OBI1: variants seen among roughly 807,000 people sequenced by gnomAD.
OBI1 encodes the protein ring finger protein 219.
A neutral mutation model predicts 62.4 loss-of-function variants in OBI1; 59 were observed. The observed-to-expected ratio is 0.95, with a 90% CI of 0.77 to 1.17. The LOEUF is 1.17. OBI1 is among the 50% of genes most tolerant of loss of function. OBI1 has a pLI of 0.00. For synonymous variants in OBI1, 302 were observed against 292.8 expected, an observed-to-expected ratio of 1.03 and a Z score of -0.32; for missense variants, 875 against 830.9, an observed-to-expected ratio of 1.05 and a Z score of -0.65.
At chr13:78,632,910 A>G (rs1321306913) in intron 5 of OBI1, among the ~76,000 whole-genome samples, 1 of 152,200 alleles carries the variant, frequency 6.6e-6, no homozygotes, top group East Asian at 1.9e-4. Flanking sequence ...TCCTAAAGTT[A>G]TATTGGATTC....
intron 5 of OBI1, among the ~76,000 whole-genome samples, chr13:78,631,977 G>A (rs189454203): frequency 2.0e-5 from 3 of 152,056 alleles, no homozygotes; most frequent in Admixed American, 6.5e-5. Flanking sequence ...TCCTTTGTTC[G>A]TACCAGATTT....
At chr13:78,631,185 A>T (rs1038596321) in intron 5 of OBI1, among the ~76,000 whole-genome samples, 4 of 152,130 alleles carry the variant, frequency 2.6e-5, no homozygotes, top group African/African-American at 9.7e-5. Context: ...TACTCAATAG[A>T]TACGTAGTAG....
chr13:78,632,701 G>C (rs2281857), intron 5 of OBI1, among the ~76,000 whole-genome samples: 10,962 of 152,150 alleles, frequency 0.072, 687 homozygotes, highest in East Asian at 0.33. Context: ...ACCAGATCTG[G>C]GTATTTTCAG....
intron 3 of OBI1, among the ~76,000 whole-genome samples, chr13:78,641,586 C>T (rs1430837374): frequency 6.6e-6 from 1 of 152,148 alleles, no homozygotes; most frequent in Non-Finnish European, 1.5e-5. Flanking sequence ...CCTGTTCATT[C>T]ACCTTTAGAC....
intron 5 of OBI1, among the ~76,000 whole-genome samples, chr13:78,626,516 C>T (rs762246191): frequency 6.6e-6 from 1 of 152,080 alleles, no homozygotes; most frequent in Non-Finnish European, 1.5e-5. Context: ...GAAAATGCTA[C>T]CTCTGTCTAG....
chr13:78,632,881 G>A (rs1330777287), intron 5 of OBI1, among the ~76,000 whole-genome samples: 1 of 152,180 alleles, frequency 6.6e-6, no homozygotes, highest in Non-Finnish European at 1.5e-5. Flanking sequence ...GGAACCAATG[G>A]AAGTTAAAGA....
intron 5 of OBI1, among the ~76,000 whole-genome samples, chr13:78,620,247 G>T (rs185821501): frequency 2.0e-5 from 3 of 152,266 alleles, no homozygotes; most frequent in Non-Finnish European, 2.9e-5. Context: ...ATAGAAGAAG[G>T]ACATGAGCTT....
In OBI1 at chr13:78,616,451, A is replaced by G; in HGVS notation, c.1310T>C (p.Val437Ala). The change falls in exon 6 of 6, where the codon GTT becomes GCT. Residue 437 changes from valine to alanine, a missense_variant. Val to Ala is a moderately conservative substitution (Grantham distance 64). Transcript: ENST00000282003. ...VFDDFCDSSN[V>A]SNKDSSEDDI... ...ATCTTCTGAAGAATCTTTATTAGAA[A>G]CATTTGAAGAATCACAAAAATCATC... is the stretch of plus-strand genomic sequence containing the variant. 1 of 1,613,724 alleles carries G rather than the reference A, an allele frequency of 6.2e-7. No individual in the cohort carries two copies. The highest frequency in any genetic ancestry group is 8.5e-7 in the Non-Finnish European group (1 of 1,179,968).
At chr13:78,636,593 C>T (rs148791265) in intron 4 of OBI1, among the ~76,000 whole-genome samples, 1,951 of 152,248 alleles carry the variant, frequency 0.013, 17 homozygotes, top group Non-Finnish European at 0.02. Context: ...AAGTCTAACT[C>T]CCTGACTTAG....
Position 78,628,023 on chromosome 13 carries a change from T to C in OBI1, c.638+7087A>G, listed in dbSNP as rs150492657. On this transcript the variant is annotated intron_variant, in intron 5 of 5. Coordinates refer to ENST00000282003, the MANE Select transcript of OBI1 (RefSeq NM_024546.4). ...TTAAAATGGAGCTTAGAGTTTAGAA[T>C]GGAGGAGACAGACAACAAACAGGCC... is the stretch of plus-strand genomic sequence containing the variant. Among the ~76,000 whole-genome samples, 480 of 152,236 alleles carry C rather than the reference T, an allele frequency of 3.2e-3. 3 individuals carry two copies. Among genetic ancestry groups the C allele is most frequent in the African/African-American group, 0.011 (464 of 41,526 alleles).
intron 1 of OBI1, among the ~76,000 whole-genome samples, chr13:78,649,693 G>C (rs552686803): frequency 6.6e-6 from 1 of 152,166 alleles, no homozygotes; most frequent in South Asian, 2.1e-4. Context: ...GTATTACAGC[G>C]ATAGGCAACA....
chr13:78,616,217 C>A lies in OBI1; in HGVS notation c.1544G>T (p.Arg515Leu), dbSNP rs758184483. The part of the protein sequence containing the change: ...LCLSKRLNSI[R>L]SFEMNRTRTS... ...TCTTGTCCGGTTCATTTCAAAAGAG[C>A]GAATAGAATTCAACCTTTTGGATAA... The change falls in exon 6 of 6, where the codon CGC (arginine) becomes CTC (leucine). Residue 515 changes from arginine to leucine, a missense_variant. By Grantham distance (102) the Arg-to-Leu change is moderately radical. Coordinates refer to ENST00000282003, the MANE Select transcript of OBI1 (RefSeq NM_024546.4). 6.2e-7 allele frequency: 1 copy of A among 1,613,832 alleles called. No homozygotes were observed. The highest frequency in any genetic ancestry group is 1.7e-5 in the Admixed American group (1 of 59,982).
intron 5 of OBI1, among the ~76,000 whole-genome samples, chr13:78,629,943 G>A (rs1249321375): frequency 1.3e-5 from 2 of 152,128 alleles, no homozygotes; most frequent in Non-Finnish European, 2.9e-5. Flanking sequence ...TGTGCTTACT[G>A]AGTAGTACCA....
intron 1 of OBI1, among the ~76,000 whole-genome samples, chr13:78,649,046 G>C (rs78785078): frequency 0.093 from 14,117 of 152,244 alleles, 735 homozygotes; most frequent in Middle Eastern, 0.15. Context: ...AAGTGGCAAA[G>C]ACAAGAAAAG....
At chr13:78,623,178 T>C (rs1436182857) in intron 5 of OBI1, among the ~76,000 whole-genome samples, 1 of 152,002 alleles carries the variant, frequency 6.6e-6, no homozygotes, top group Non-Finnish European at 1.5e-5. Context: ...CCTAGAAATT[T>C]GTTAATCATA....
intron 5 of OBI1, among the ~76,000 whole-genome samples, chr13:78,626,926 C>G (rs1367037168): frequency 6.6e-6 from 1 of 152,038 alleles, no homozygotes; most frequent in Non-Finnish European, 1.5e-5. Flanking sequence ...ATTAGCCGGG[C>G]ATGGTGGCGG....
chr13:78,643,684 A>G lies in OBI1; in HGVS notation c.208+1178T>C, dbSNP rs146985585. 1.2e-3 allele frequency among the ~76,000 whole-genome samples: 179 copies of G among 152,178 alleles called. 2 individuals carry two copies. The highest frequency in any genetic ancestry group is 4.1e-3 in the African/African-American group (171 of 41,530). ...ATGCATATAATCCCAGCTACTTAGG[A>G]GGCTGAGGGAGGAGAATCGCTTGAA... On this transcript the variant is annotated intron_variant, in intron 2 of 5. Transcript: ENST00000282003.
At position 78,615,930 on chromosome 13, in the gene OBI1, A is replaced by G. The variant is rs905284196; in HGVS notation, c.1831T>C (p.Ser611Pro). 1 of 1,613,892 alleles carries G rather than the reference A, an allele frequency of 6.2e-7. No homozygotes were observed. Among genetic ancestry groups the G allele is most frequent in the Non-Finnish European group, 8.5e-7 (1 of 1,179,960 alleles). Residue 611 changes from serine to proline, a missense_variant, in exon 6 of 6, where the codon TCT becomes CCT. Ser to Pro is a moderately conservative substitution (Grantham distance 74). Transcript: ENST00000282003. The stretch of plus-strand genomic sequence containing the variant: ...TCAGATGGAGAGAGGAGAAAAAAAG[A>G]AGTGGGTTTCCATTCACTTCCATTT... ...LENGSEWKPT[S>P]FFLLSPSDQE...
rs138173025 is a variant in OBI1, at chr13:78,643,737, G to A, written c.208+1125C>T. On this transcript the variant is annotated intron_variant, in intron 2 of 5. Transcript: ENST00000282003. ...CAGGAGGCAGAGGTTGCGGTGAGCC[G>A]AGAACGCGCCACTGCACTCCAGCCT... Among the ~76,000 whole-genome samples the A allele has an allele frequency of 9.0e-3, 1,370 of 151,934 alleles. 22 individuals carry two copies. The highest frequency in any genetic ancestry group is 0.031 in the African/African-American group (1,270 of 41,422).
Sources: allele counts gnomAD v4.1 joint callset (sites outside exome capture counted in the v4.1 genomes callset), GRCh38; gene constraint gnomAD v4.1.1; transcripts MANE v1.5; gene names NCBI Gene and HGNC (gene_info 2026-07-23, HGNC 2026-07-21).